The following ANXA4 variants were observed in gnomAD, a reference collection of about 807,000 sequenced individuals.
ANXA4 encodes 35-beta calcimedin.
A neutral mutation model predicts 49.8 loss-of-function variants in ANXA4; 39 were observed. The ratio of observed to expected loss-of-function variants is 0.78; its 90% CI spans 0.61 to 1.02. ANXA4 has a LOEUF of 1.02. Among genes scored for constraint, ANXA4 ranks in the 50% least tolerant of loss-of-function variants. The pLI is 0.00. For synonymous variants in ANXA4, 134 were observed against 152.5 expected (o/e 0.88, Z 0.89); for missense variants, 360 against 410.1 (o/e 0.88, Z 1.05).
At chr2:69,705,800 C>T (rs545708788) in intron 2 of ANXA4, among the ~76,000 whole-genome samples, 1 of 151,982 alleles carries the variant, frequency 6.6e-6, no homozygotes, top group Non-Finnish European at 1.5e-5. Flanking sequence ...GGCCTGGTGC[C>T]GGGCACCTGT....
chr2:69,814,739 G>A (rs1319712816), intron 8 of ANXA4: 1 of 147,668 alleles, frequency 6.8e-6, no homozygotes, highest in Admixed American at 7.3e-5. Flanking sequence ...GAGAGACACA[G>A]AGGGGTGTGT....
At chr2:69,705,824 T>A (rs531954227) in intron 2 of ANXA4, among the ~76,000 whole-genome samples, 1 of 152,018 alleles carries the variant, frequency 6.6e-6, no homozygotes, top group Non-Finnish European at 1.5e-5. Flanking sequence ...CCCAGCTACT[T>A]GGGAGGCTGA....
intron 2 of ANXA4, among the ~76,000 whole-genome samples, chr2:69,690,861 A>G (rs932895837): frequency 6.6e-6 from 1 of 152,234 alleles, no homozygotes; most frequent in Non-Finnish European, 1.5e-5. Context: ...ACCATGTTTC[A>G]GTGCCTTAGT....
upstream of ANXA4, among the ~76,000 whole-genome samples, chr2:69,737,215 C>T (rs924994657): frequency 6.6e-5 from 10 of 152,206 alleles, no homozygotes; most frequent in South Asian, 2.1e-4. Flanking sequence ...CTTATTTCCT[C>T]CTGGGTACTT....
At position 69,759,856 on chromosome 2, in the gene ANXA4, G is replaced by A. The variant is rs187681622; in HGVS notation, c.-47+17681G>A. ...TTTTGTTTTATCTTTTTTTTGAGAC[G>A]GAGTCTGGCTCTATCGCCCAGGCTG... On this transcript the variant is annotated intron_variant, in intron 1 of 12. Coordinates refer to ENST00000394295, the MANE Select transcript of ANXA4 (RefSeq NM_001153.5). 5.3e-5 allele frequency among the ~76,000 whole-genome samples: 8 copies of A among 151,354 alleles called. No individual in the cohort carries two copies. The East Asian group carries it at 5.8e-4, about 11-fold the overall frequency.
intron 4 of ANXA4, among the ~76,000 whole-genome samples, chr2:69,806,010 G>A (rs1673428536): frequency 1.3e-5 from 2 of 152,180 alleles, no homozygotes; most frequent in South Asian, 2.1e-4. Flanking sequence ...TCTCTTTAAT[G>A]TCTGGCTTAA....
At chr2:69,702,764 AG>A (rs1244915897) in intron 2 of ANXA4, among the ~76,000 whole-genome samples, 3 of 152,196 alleles carry the variant, frequency 2.0e-5, no homozygotes, top group African/African-American at 7.2e-5. Context: ...TTTCATCCAC[AG>A]GTGTTTTCAA....
chr2:69,800,181 C>T (rs1673131110), intron 3 of ANXA4, among the ~76,000 whole-genome samples: 1 of 152,214 alleles, frequency 6.6e-6, no homozygotes, highest in South Asian at 2.1e-4. Context: ...TTCTATGCTG[C>T]TGCCCATCTC....
chr2:69,820,898 G>A, intron 12 of ANXA4, 77 bp downstream of exon 12: 3 of 1,471,980 alleles, frequency 2.0e-6, no homozygotes, highest in Non-Finnish European at 2.8e-6. Flanking sequence ...AGCACTTGTT[G>A]TCCCCCTCTT....
chr2:69,643,902 G>C, upstream of ANXA4: 3 of 1,165,736 alleles, frequency 2.6e-6, no homozygotes, highest in Non-Finnish European at 3.2e-6. Flanking sequence ...TCGACCGCGA[G>C]AAGAGGACTG....
intron 1 of ANXA4, among the ~76,000 whole-genome samples, chr2:69,765,369 C>G (rs1671455639): frequency 1.3e-5 from 2 of 152,158 alleles, no homozygotes; most frequent in Admixed American, 1.3e-4. Context: ...TCAAGTTTCT[C>G]CATATCTTCA....
intron 12 of ANXA4, among the ~76,000 whole-genome samples, chr2:69,824,355 T>C (rs1386815638): frequency 6.6e-6 from 1 of 151,670 alleles, no homozygotes; most frequent in Admixed American, 6.6e-5. Flanking sequence ...AAATAAAAAT[T>C]AGCCAGGCGT....
chr2:69,651,817 T>G (rs13036082), intron 1 of ANXA4, among the ~76,000 whole-genome samples: 329 of 12,576 alleles, frequency 0.026, 1 homozygote, highest in African/African-American at 0.055. Flanking sequence ...TTTTTTTTTT[T>G]GGGGGGGGGG....
At chr2:69,812,604 C>A in intron 7 of ANXA4, 49 bp from the exon 8 acceptor site, 1 of 1,526,572 alleles carries the variant, frequency 6.6e-7, no homozygotes, top group Non-Finnish European at 9.0e-7. Flanking sequence ...GTCCCCAGAT[C>A]TTCATGTATA....
At chr2:69,784,533 G>A (rs532141926) in intron 2 of ANXA4, among the ~76,000 whole-genome samples, 9 of 152,320 alleles carry the variant, frequency 5.9e-5, no homozygotes, top group South Asian at 2.1e-4. Context: ...ACCAATTTGC[G>A]TATTACTACT....
chr2:69,664,491 G>A (rs1029831818), intron 2 of ANXA4, among the ~76,000 whole-genome samples: 1 of 152,120 alleles, frequency 6.6e-6, no homozygotes, highest in Non-Finnish European at 1.5e-5. Flanking sequence ...CTATGTGCCA[G>A]TCATTATTCT....
chr2:69,714,441 A>G (rs1236510859), intron 2 of ANXA4, among the ~76,000 whole-genome samples: 2 of 152,248 alleles, frequency 1.3e-5, no homozygotes, highest in Non-Finnish European at 2.9e-5. Flanking sequence ...GCCTAAGAAT[A>G]TAAGAGACGG....
At chr2:69,821,961 T>C (rs917970244) in intron 12 of ANXA4, among the ~76,000 whole-genome samples, 4 of 152,052 alleles carry the variant, frequency 2.6e-5, no homozygotes, top group African/African-American at 7.2e-5. Flanking sequence ...TTATGGAGGA[T>C]ATGGAGAGAC....
intron 12 of ANXA4, among the ~76,000 whole-genome samples, chr2:69,824,564 A>T (rs1439884495): frequency 6.6e-6 from 1 of 152,130 alleles, no homozygotes; most frequent in Non-Finnish European, 1.5e-5. Context: ...CCATTTTATG[A>T]AAATTTATCC....
Sources: gnomAD v4.1 joint callset for allele counts (sites outside exome capture counted in the v4.1 genomes callset) on GRCh38, gnomAD v4.1.1 for gene constraint, MANE v1.5 for transcripts, NCBI Gene and HGNC (gene_info 2026-07-23, HGNC 2026-07-21) for gene names.